Variants in SPEN observed in about 807,000 individuals in gnomAD.
The protein encoded by SPEN is spen family transcriptional repressor, also known as msx2-interacting protein.
SPEN carries 18 observed loss-of-function variants against 269.9 expected under a neutral mutation model. The ratio of observed to expected loss-of-function variants is 0.07; its 90% CI spans 0.05 to 0.10. The LOEUF (loss-of-function observed/expected upper bound fraction) is 0.10. SPEN is among the 10% of genes least tolerant of loss of function. The pLI is 1.00. For missense variants in SPEN, 3,822 were observed against 4,631.2 expected, an observed-to-expected ratio of 0.83 and a Z score of 5.07; for synonymous variants, 1,726 against 1,765.7, an observed-to-expected ratio of 0.98 and a Z score of 0.56.
intron 5 of SPEN, among the ~76,000 whole-genome samples, chr1:15,911,778 T>C (rs1337655268): frequency 1.3e-5 from 2 of 152,048 alleles, no homozygotes; most frequent in Non-Finnish European, 2.9e-5. Flanking sequence ...CTGGCCAACA[T>C]GGTGAAACCC....
At chr1:15,853,571 G>A (rs1246459658) in intron 1 of SPEN, among the ~76,000 whole-genome samples, 1 of 151,812 alleles carries the variant, frequency 6.6e-6, no homozygotes, top group Non-Finnish European at 1.5e-5. Flanking sequence ...TCAGCTCACT[G>A]CAACCTCCTC....
chr1:15,874,321 T>C (rs1557739240), intron 2 of SPEN: 1 of 1,366,486 alleles, frequency 7.3e-7, no homozygotes, highest in East Asian at 4.5e-5. Flanking sequence ...GGGGCCAAAA[T>C]TGGGGAAGTT....
chr1:15,873,189 A>T, intron 2 of SPEN, 53 bp downstream of exon 2: 1 of 1,514,854 alleles, frequency 6.6e-7, no homozygotes. Context: ...ATGGTGAGAA[A>T]CAGAAACTCA....
chr1:15,931,881 A>G lies in SPEN; in HGVS notation c.5641A>G (p.Lys1881Glu), dbSNP rs774918998. ...EAEKITRTAS[K>E]NSAADLEHPE... ...AGAGAAGATTACAAGGACTGCTTCT[A>G]AAAACTCTGCTGCAGACCTTGAACA... Residue 1881 changes from lysine (K) to glutamate (E), a missense_variant, in exon 11 of 15, where the codon AAA (lysine) becomes GAA (glutamate). By Grantham distance (56) the Lys-to-Glu change is moderately conservative. Coordinates refer to ENST00000375759, the MANE Select transcript of SPEN (RefSeq NM_015001.3). The surrounding 1 kb of genome is among the most constrained non-coding windows in gnomAD (Gnocchi z 4.8). 2 of 1,614,226 alleles carry G rather than the reference A, an allele frequency of 1.2e-6. No homozygotes were observed. Among genetic ancestry groups the G allele is most frequent in the South Asian group, 2.2e-5 (2 of 91,090 alleles).
At chr1:15,924,700 TC>T (rs1165409247) in intron 10 of SPEN, among the ~76,000 whole-genome samples, 1 of 152,168 alleles carries the variant, frequency 6.6e-6, no homozygotes. Context: ...CCTCAGGTGA[TC>T]CGCCTGCCTC....
chr1:15,871,443 C>T lies in SPEN; in HGVS notation c.84-1373C>T, dbSNP rs190213216. On this transcript the variant is annotated intron_variant, in intron 1 of 14. Coordinates refer to ENST00000375759, the MANE Select transcript of SPEN (RefSeq NM_015001.3). ...GCAATCTCCACCTCCTGAGCTCAAG[C>T]AATTCTCATGCCTTAGCCTCCCAAG... 2.4e-3 allele frequency among the ~76,000 whole-genome samples: 369 copies of T among 152,154 alleles called. 2 individuals are homozygous for T. The highest frequency in any genetic ancestry group is 7.9e-3 in the African/African-American group (330 of 41,526).
At chr1:15,879,675 AT>A (rs33987690) in intron 3 of SPEN, among the ~76,000 whole-genome samples, 5,311 of 147,776 alleles carry the variant, frequency 0.036, 288 homozygotes, top group African/African-American at 0.12. Context: ...CAGCAGACAA[AT>A]TTTTTTTTTT....
intron 5 of SPEN, among the ~76,000 whole-genome samples, chr1:15,915,019 A>G (rs2071045082): frequency 6.6e-6 from 1 of 152,236 alleles, no homozygotes; most frequent in South Asian, 2.1e-4. Flanking sequence ...AATATCTTAT[A>G]AAATGTTGAA....
chr1:15,926,290 G>T (rs2071165966), intron 10 of SPEN, among the ~76,000 whole-genome samples: 1 of 151,914 alleles, frequency 6.6e-6, no homozygotes, highest in African/African-American at 2.4e-5. Flanking sequence ...CCAGCTACTT[G>T]TGGTGGTGGT....
Position 15,908,885 on chromosome 1 carries a change from A to C in SPEN, c.882-436A>C, listed in dbSNP as rs142093042. On this transcript the variant is annotated intron_variant, in intron 3 of 14. Coordinates refer to ENST00000375759, the MANE Select transcript of SPEN (RefSeq NM_015001.3). ...GTTCCATGTGGTAACTTTAGGCATAAAATTATGATAGGAAACCCATTTCAA... is the reference window on the plus strand; with the variant it reads ...GTTCCATGTGGTAACTTTAGGCATACAATTATGATAGGAAACCCATTTCAA... Among the ~76,000 whole-genome samples, 981 of 152,270 alleles carry C rather than the reference A, an allele frequency of 6.4e-3. 8 individuals carry two copies. Among genetic ancestry groups the C allele is most frequent in the Middle Eastern group, 0.02 (6 of 294 alleles).
chr1:15,934,494 G>A lies in SPEN; in HGVS notation c.8254G>A (p.Gly2752Ser). The A allele has an allele frequency of 6.2e-7, 1 of 1,614,074 alleles. No homozygotes were observed. Among genetic ancestry groups the A allele is most frequent in the Non-Finnish European group, 8.5e-7 (1 of 1,180,036 alleles). The change falls in exon 11 of 15, where the codon GGT (glycine) becomes AGT (serine). Residue 2752 changes from glycine to serine, a missense_variant. By Grantham distance (56) the Gly-to-Ser change is moderately conservative. Around this residue, in one of 16 missense-constraint regions of SPEN, gnomAD observed 329 missense variants for 431.2 expected, o/e 0.76. Coordinates refer to ENST00000375759, the MANE Select transcript of SPEN (RefSeq NM_015001.3). This position sits in a 1 kb window ranked among gnomAD's most constrained non-coding sequence, Gnocchi z 9.2. ...TAGAVTAASGGVTATTGTVTM... is the reference protein window; with the variant it reads ...TAGAVTAASGSVTATTGTVTM... Reference sequence around the variant, plus strand: ...GGGTGCGGTTACTGCTGCATCTGGTGGTGTAACGGCCACAACAGGCACGGT... The same window carrying A: ...GGGTGCGGTTACTGCTGCATCTGGTAGTGTAACGGCCACAACAGGCACGGT...
chr1:15,859,905 C>CTTTATTTTTTTTTT (rs2070426175), intron 1 of SPEN, among the ~76,000 whole-genome samples: 1 of 79,620 alleles, frequency 1.3e-5, no homozygotes, highest in Non-Finnish European at 2.1e-5. Flanking sequence ...CAGTTAACAT[C>CTTTATTTTTTTTTT]TTTTTTTTTT....
At chr1:15,907,770 A>G (rs535028129) in intron 3 of SPEN, among the ~76,000 whole-genome samples, 10 of 152,370 alleles carry the variant, frequency 6.6e-5, no homozygotes, top group Non-Finnish European at 7.3e-5. Context: ...CATAAAAGCA[A>G]GCCACAAAAG....
At chr1:15,887,037 G>C (rs1316311809) in intron 3 of SPEN, among the ~76,000 whole-genome samples, 1 of 152,080 alleles carries the variant, frequency 6.6e-6, no homozygotes, top group African/African-American at 2.4e-5. Context: ...GGAGTGCAGT[G>C]GTAATTTGCA....
At chr1:15,879,438 T>TA (rs1470742264) in intron 3 of SPEN, among the ~76,000 whole-genome samples, 3 of 150,934 alleles carry the variant, frequency 2.0e-5, no homozygotes, top group East Asian at 1.9e-4. Flanking sequence ...CTCATGTAAT[T>TA]AAAAAAAAAT....
In SPEN at chr1:15,937,152, C is replaced by T. The variant is rs2148744690; in HGVS notation, c.10027-11C>T. On this transcript the variant is annotated splice_polypyrimidine_tract_variant and intron_variant, in intron 11 of 14. Transcript: ENST00000375759. The surrounding 1 kb of genome is among the most constrained non-coding windows in gnomAD (Gnocchi z 5.7). ...CTGACTCTGTCCCTTTGCCTTCCTTCCCTACACCAGGGCCCTCCTCCTGAA... is the reference window on the plus strand; with the variant it reads ...CTGACTCTGTCCCTTTGCCTTCCTTTCCTACACCAGGGCCCTCCTCCTGAA... 2 of 1,606,246 alleles carry T rather than the reference C, an allele frequency of 1.2e-6. No individual in the cohort carries two copies. The highest frequency in any genetic ancestry group is 1.1e-5 in the South Asian group (1 of 90,582).
At chr1:15,927,827 T>C (rs994551941) in intron 10 of SPEN, among the ~76,000 whole-genome samples, 2 of 152,240 alleles carry the variant, frequency 1.3e-5, no homozygotes, top group African/African-American at 4.8e-5. Flanking sequence ...TTTCAACATA[T>C]AATCAGTCTA....
chr1:15,907,818 T>A (rs1417715188), intron 3 of SPEN, among the ~76,000 whole-genome samples: 3 of 152,240 alleles, frequency 2.0e-5, no homozygotes, highest in Non-Finnish European at 2.9e-5. Context: ...ATTTTATGTT[T>A]CTCACATAGT....
intron 3 of SPEN, among the ~76,000 whole-genome samples, chr1:15,905,315 G>T (rs2070945370): frequency 6.6e-6 from 1 of 151,686 alleles, no homozygotes; most frequent in African/African-American, 2.4e-5. Flanking sequence ...TCCGCCTCCC[G>T]GGTTCAAGCG....
Sources: gnomAD v4.1 joint callset for allele counts (sites outside exome capture counted in the v4.1 genomes callset) on GRCh38, gnomAD v4.1.1 for gene constraint, gnomAD v4.1.1 regional missense constraint, Gnocchi (gnomAD v3.1) non-coding constraint, MANE v1.5 for transcripts, NCBI Gene and HGNC (gene_info 2026-07-23, HGNC 2026-07-21) for gene names.